The following HTR3B variants were observed in gnomAD, a reference collection of about 807,000 sequenced individuals.
HTR3B encodes the protein 5-hydroxytryptamine receptor 3B, also known as 5-hydroxytryptamine (serotonin) receptor 3B, ionotropic.
HTR3B carries 44 observed loss-of-function variants against 42.8 expected under a neutral mutation model. That is an observed-to-expected ratio of 1.03 (90% CI 0.81 to 1.32). HTR3B has a LOEUF of 1.32. Ranked by LOEUF, HTR3B falls within the 40% of genes most tolerant of loss-of-function variation. The pLI is 0.00. For missense variants in HTR3B, 527 were observed against 536.5 expected, an observed-to-expected ratio of 0.98 and a Z score of 0.17; for synonymous variants, 203 against 209.0, an observed-to-expected ratio of 0.97 and a Z score of 0.25.
In HTR3B at chr11:113,909,468, T is replaced by G. The variant is rs1488852152; in HGVS notation, c.213+13T>G. The G allele has an allele frequency of 6.2e-7, 1 of 1,609,558 alleles. No individual in the cohort carries two copies. Among genetic ancestry groups the G allele is most frequent in the Admixed American group, 1.7e-5 (1 of 59,188 alleles). On this transcript the variant is annotated intron_variant, in intron 2 of 8. Coordinates refer to ENST00000260191, the MANE Select transcript of HTR3B (RefSeq NM_006028.5). ...TATATTGGATGTGGTAAGGACCATC[T>G]TGCCCCTTCCTATTCTTGTTAACGT... is the stretch of plus-strand genomic sequence containing the variant.
intron 1 of HTR3B, among the ~76,000 whole-genome samples, chr11:113,905,499 A>T (rs1170360335): frequency 6.6e-6 from 1 of 152,216 alleles, no homozygotes; most frequent in Non-Finnish European, 1.5e-5. Context: ...TATATAGGTG[A>T]TGAGTATATC....
At chr11:113,909,774 C>G (rs920629299) in intron 2 of HTR3B, among the ~76,000 whole-genome samples, 1 of 151,906 alleles carries the variant, frequency 6.6e-6, no homozygotes, top group Non-Finnish European at 1.5e-5. Context: ...CTTGAGCACA[C>G]GAGTTGGAGG....
intron 2 of HTR3B, among the ~76,000 whole-genome samples, chr11:113,920,324 G>A (rs981676663): frequency 4.6e-5 from 7 of 151,920 alleles, no homozygotes; most frequent in African/African-American, 1.7e-4. Flanking sequence ...CACCGCGCCT[G>A]GCCCAGAATT....
intron 1 of HTR3B, among the ~76,000 whole-genome samples, chr11:113,905,398 C>G (rs1949727170): frequency 6.6e-6 from 1 of 151,844 alleles, no homozygotes; most frequent in South Asian, 2.1e-4. Context: ...TGTTAGCAGC[C>G]CAGAGAAAAA....
upstream of HTR3B, among the ~76,000 whole-genome samples, chr11:113,902,445 T>A (rs867251490): frequency 2.6e-5 from 4 of 152,110 alleles, no homozygotes; most frequent in East Asian, 7.8e-4. Context: ...TACAGGCATG[T>A]GCCACCGTGC....
chr11:113,920,046 G>A (rs929730441), intron 2 of HTR3B, among the ~76,000 whole-genome samples: 1 of 151,356 alleles, frequency 6.6e-6, no homozygotes, highest in Non-Finnish European at 1.5e-5. Context: ...TACTTTTTTT[G>A]AGATGGAGTT....
At chr11:113,928,943 C>T (rs985580399) in intron 2 of HTR3B, among the ~76,000 whole-genome samples, 8 of 152,326 alleles carry the variant, frequency 5.3e-5, no homozygotes, top group Admixed American at 3.9e-4. Context: ...GATTCTACCC[C>T]TTGGCTATTG....
intron 2 of HTR3B, among the ~76,000 whole-genome samples, chr11:113,925,416 T>C (rs544846515): frequency 1.3e-4 from 19 of 145,962 alleles, no homozygotes; most frequent in African/African-American, 4.3e-4. Context: ...TTTACGAATT[T>C]GTTTTTTTTT....
rs151297148 is a variant in HTR3B at position 113,944,660 on chromosome 11, G to A, written c.995G>A (p.Arg332His). ...GTCAAATTCCTCCATGATGAGCAGC[G>A]TGGTGGACAGGAGCAGCCCTTCTTG... Reference protein sequence around the residue: ...VLVKFLHDEQRGGQEQPFLCL... With the variant: ...VLVKFLHDEQHGGQEQPFLCL... Residue 332 changes from arginine to histidine, a missense_variant, in exon 8 of 9, where the codon CGT becomes CAT. Coordinates refer to ENST00000260191, the MANE Select transcript of HTR3B (RefSeq NM_006028.5). 4.9e-5 allele frequency: 79 copies of A among 1,614,154 alleles called. No homozygotes were observed. Among genetic ancestry groups the A allele is most frequent in the Middle Eastern group, 1.6e-4 (1 of 6,062 alleles).
At chr11:113,929,232 C>T (rs532608259) in intron 2 of HTR3B, among the ~76,000 whole-genome samples, 10 of 152,294 alleles carry the variant, frequency 6.6e-5, no homozygotes, top group Non-Finnish European at 8.8e-5. Context: ...GAGTTTGTAT[C>T]TCATTGTGGT....
At position 113,909,444 on chromosome 11, in the gene HTR3B, A is replaced by G. The variant is rs200100333; in HGVS notation, c.202A>G (p.Ile68Val). 8 of 1,613,928 alleles carry G rather than the reference A, an allele frequency of 5.0e-6. No homozygotes were observed. The highest frequency in any genetic ancestry group is 1.3e-5 in the African/African-American group (1 of 75,044). ...TVYLDLFVHAILDVDAENQIL... is the reference protein window; with the variant it reads ...TVYLDLFVHAVLDVDAENQIL... The stretch of plus-strand genomic sequence containing the variant: ...CTACCTGGACCTGTTCGTCCATGCT[A>G]TATTGGATGTGGTAAGGACCATCTT... The change falls in exon 2 of 9, where the codon ATA becomes GTA. Residue 68 changes from isoleucine to valine, a missense_variant. Physicochemically the swap from Ile to Val is conservative, Grantham distance 29 (BLOSUM62 3). Transcript: ENST00000260191.
At position 113,932,465 on chromosome 11, in the gene HTR3B, C is replaced by A. The variant is rs566380912; in HGVS notation, c.538+7C>A. 2.5e-6 allele frequency: 4 copies of A among 1,608,260 alleles called. No homozygotes were observed. The highest frequency in any genetic ancestry group is 3.4e-6 in the Non-Finnish European group (4 of 1,175,276). ...AAGAGCATTCTGCATACAGGTAAAC[C>A]ATGAGAGATACCCATTAATGCTAGG... On this transcript the variant is annotated splice_region_variant and intron_variant, in intron 5 of 8. Transcript: ENST00000260191.
chr11:113,903,642 G>A (rs1478000631), upstream of HTR3B, among the ~76,000 whole-genome samples: 1 of 151,746 alleles, frequency 6.6e-6, no homozygotes, highest in African/African-American at 2.4e-5. Context: ...TGGTCAGGCT[G>A]GTCTCAAACT....
intron 7 of HTR3B, among the ~76,000 whole-genome samples, chr11:113,943,893 G>GA (rs1055128401): frequency 1.3e-5 from 2 of 148,714 alleles, no homozygotes; most frequent in African/African-American, 2.5e-5. Context: ...GGAAGGAAGG[G>GA]AAAAAAACAG....
rs748816069 is a variant in HTR3B at position 113,904,963 on chromosome 11, G to C, written c.30G>C (p.Trp10Cys). 4.3e-6 allele frequency: 7 copies of C among 1,613,662 alleles called. No individual in the cohort carries two copies. Among genetic ancestry groups the C allele is most frequent in the Non-Finnish European group, 5.9e-6 (7 of 1,179,662 alleles). Residue 10 changes from tryptophan (W) to cysteine (C), a missense_variant, in exon 1 of 9, where the codon TGG (tryptophan) becomes TGC (cysteine). Coordinates refer to ENST00000260191, the MANE Select transcript of HTR3B (RefSeq NM_006028.5). MLSSVMAPLWACILVAAGIL... is the reference protein window; with the variant it reads MLSSVMAPLCACILVAAGIL... The stretch of plus-strand genomic sequence containing the variant: ...TGTCAAGTGTAATGGCTCCCCTGTG[G>C]GCCTGCATCCTGGTGGCTGCAGGTG...
intron 3 of HTR3B, 70 bp downstream of exon 3, chr11:113,931,498 T>A: frequency 1.1e-6 from 1 of 946,344 alleles, no homozygotes; most frequent in Middle Eastern, 2.3e-4. Flanking sequence ...TATAGTTATT[T>A]AAGAAATAGG....
intron 6 of HTR3B, among the ~76,000 whole-genome samples, chr11:113,937,118 C>T (rs980838699): frequency 9.2e-5 from 14 of 152,168 alleles, no homozygotes; most frequent in African/African-American, 3.4e-4. Context: ...GCACCAGCTC[C>T]TTTAGTCCAT....
At chr11:113,936,058 T>C (rs374930903) in intron 6 of HTR3B, among the ~76,000 whole-genome samples, 1 of 152,230 alleles carries the variant, frequency 6.6e-6, no homozygotes, top group East Asian at 1.9e-4. Context: ...CACTTCTCCC[T>C]ACAAAGATGT....
At chr11:113,931,995 G>C (rs1950039724) in intron 4 of HTR3B, 128 bp downstream of exon 4, 1 of 696,526 alleles carries the variant, frequency 1.4e-6, no homozygotes, top group Admixed American at 2.1e-5. Context: ...ATTGTTGGGA[G>C]TATTCAGGTT....
Sources: gnomAD v4.1 joint callset for allele counts (sites outside exome capture counted in the v4.1 genomes callset) on GRCh38, gnomAD v4.1.1 for gene constraint, MANE v1.5 for transcripts, NCBI Gene and HGNC (gene_info 2026-07-23, HGNC 2026-07-21) for gene names.